The following PEX5L variants were observed in gnomAD, a reference collection of about 807,000 sequenced individuals.
PEX5L encodes the protein PEX5-related protein.
Under a neutral mutation model 84.0 loss-of-function variants are expected in PEX5L, and 30 were observed. The observed-to-expected ratio is 0.36, with a 90% CI of 0.27 to 0.48. The LOEUF (loss-of-function observed/expected upper bound fraction) is 0.48. Ranked by LOEUF, PEX5L falls within the 20% of genes least tolerant of loss-of-function variation. The pLI is 0.99. For synonymous variants in PEX5L, 270 were observed against 283.1 expected, an observed-to-expected ratio of 0.95 and a Z score of 0.46; for missense variants, 533 against 754.6, an observed-to-expected ratio of 0.71 and a Z score of 3.44.
At chr3:179,852,068 A>C (rs1358544348) in intron 8 of PEX5L, among the ~76,000 whole-genome samples, 1 of 152,094 alleles carries the variant, frequency 6.6e-6, no homozygotes, top group African/African-American at 2.4e-5. Flanking sequence ...ATCACCATAC[A>C]CTTAGCAACT....
At chr3:179,931,537 C>A (rs1195096236) in intron 2 of PEX5L, among the ~76,000 whole-genome samples, 3 of 152,144 alleles carry the variant, frequency 2.0e-5, no homozygotes, top group Non-Finnish European at 4.4e-5. Context: ...TTCCCAAATA[C>A]TTTTTTTCAA....
chr3:179,911,845 C>T (rs930125655), intron 2 of PEX5L, among the ~76,000 whole-genome samples: 2 of 152,066 alleles, frequency 1.3e-5, no homozygotes, highest in African/African-American at 4.8e-5. Context: ...TCTATCCAAC[C>T]ACAGTTATAT....
Position 179,984,579 on chromosome 3 carries a change from C to G in PEX5L, c.22-12914G>C, listed in dbSNP as rs148064934. 4.1e-3 allele frequency among the ~76,000 whole-genome samples: 617 copies of G among 152,182 alleles called. 3 individuals are homozygous for G. Among genetic ancestry groups the G allele is most frequent in the African/African-American group, 0.014 (591 of 41,542 alleles). ...AGACGCATGGAGACAAATGTTTGAA[C>G]CACTGCTATTCTAGAAATAATGTAA... On this transcript the variant is annotated intron_variant, in intron 1 of 14. Transcript: ENST00000467460.
chr3:179,919,474 C>T (rs1768481331), intron 2 of PEX5L, among the ~76,000 whole-genome samples: 1 of 152,136 alleles, frequency 6.6e-6, no homozygotes, highest in South Asian at 2.1e-4. Context: ...ATCGCTGGGT[C>T]ACGCTTGATG....
In PEX5L at chr3:180,036,749, C is replaced by T. The variant is rs899132342; in HGVS notation, c.-150G>A. The T allele has an allele frequency of 2.6e-5, 20 of 779,532 alleles. No individual in the cohort carries two copies. The Admixed American group carries it at 2.7e-4, about 11-fold the overall frequency. The allele number at this position is 779,532 out of a possible 1,614,324, so 48.3% of individuals were successfully genotyped here. On this transcript the variant is annotated 5_prime_UTR_variant, in exon 1 of 15. Transcript: ENST00000467460. Reference sequence around the variant, plus strand: ...CTGGAGCTCCGGGTACTCGGCCGGCCGGCGGCCACTCGGCAGCGCTGCGGG... The same window carrying T: ...CTGGAGCTCCGGGTACTCGGCCGGCTGGCGGCCACTCGGCAGCGCTGCGGG...
At chr3:179,884,215 T>A (rs1212547651) in intron 4 of PEX5L, among the ~76,000 whole-genome samples, 4 of 152,210 alleles carry the variant, frequency 2.6e-5, no homozygotes, top group African/African-American at 9.6e-5. Context: ...TGTAAATATG[T>A]TACCTTGACA....
At position 179,799,060 on chromosome 3, in the gene PEX5L, C is replaced by G. The variant is rs1310897929; in HGVS notation, c.*2768G>C. The stretch of plus-strand genomic sequence containing the variant: ...TCAGCCTCCTGAGTAGCTGGTATTA[C>G]AGGTGCATACCACTACACCCGGCTA... On this transcript the variant is annotated 3_prime_UTR_variant, in exon 15 of 15. Coordinates refer to ENST00000467460, the MANE Select transcript of PEX5L (RefSeq NM_016559.3). 1.3e-5 allele frequency: 1 copy of G among 77,206 alleles called. No homozygotes were observed. Among genetic ancestry groups the G allele is most frequent in the Non-Finnish European group, 2.8e-5 (1 of 35,998 alleles). The allele number at this position is 77,206 out of a possible 1,614,324, so 4.8% of individuals were successfully genotyped here.
At chr3:179,812,151 T>C (rs79598501) in intron 10 of PEX5L, among the ~76,000 whole-genome samples, 9,218 of 152,198 alleles carry the variant, frequency 0.061, 926 homozygotes, top group African/African-American at 0.21. Context: ...TTTCGTTATA[T>C]TAGGTATCTT....
chr3:179,866,644 T>G (rs970601885), intron 7 of PEX5L, among the ~76,000 whole-genome samples: 1 of 152,156 alleles, frequency 6.6e-6, no homozygotes, highest in Non-Finnish European at 1.5e-5. Flanking sequence ...AGTTGGAATC[T>G]TATACTAGAA....
At chr3:180,014,125 C>T (rs1789726337) in intron 1 of PEX5L, among the ~76,000 whole-genome samples, 1 of 152,182 alleles carries the variant, frequency 6.6e-6, no homozygotes, top group African/African-American at 2.4e-5. Flanking sequence ...TTTATGTTTT[C>T]TGTGTCATGT....
At chr3:179,942,653 A>G (rs2109825675) in intron 2 of PEX5L, among the ~76,000 whole-genome samples, 1 of 152,312 alleles carries the variant, frequency 6.6e-6, no homozygotes. Context: ...ACTGGGACGC[A>G]CACATGGAAG....
At chr3:179,965,497 G>C (rs1783108688) in intron 2 of PEX5L, among the ~76,000 whole-genome samples, 1 of 152,210 alleles carries the variant, frequency 6.6e-6, no homozygotes, top group Non-Finnish European at 1.5e-5. Context: ...GGCAGGGCCA[G>C]ACTAGGAACC....
chr3:179,858,095 G>A (rs1161489082), intron 8 of PEX5L, among the ~76,000 whole-genome samples: 1 of 152,034 alleles, frequency 6.6e-6, no homozygotes, highest in Non-Finnish European at 1.5e-5. Flanking sequence ...TGCGCTTCAG[G>A]TATAGAGGTA....
At position 179,795,989 on chromosome 3, in the gene PEX5L, C is replaced by A. The variant is rs941094023; in HGVS notation, c.*5839G>T. On this transcript the variant is annotated 3_prime_UTR_variant, in exon 15 of 15. Transcript: ENST00000467460. ...TAAAAACTTAAGTTTGCTGTATTTC[C>A]CTTAACTACTGGTAATGTAGTCCAT... The A allele has an allele frequency of 4.0e-5, 6 of 151,876 alleles. No homozygotes were observed. Among genetic ancestry groups the A allele is most frequent in the Non-Finnish European group, 8.8e-5 (6 of 67,976 alleles). 9.4% of individuals were successfully genotyped at this position (151,876 alleles called of 1,614,324 possible). A position where few individuals can be genotyped will look rare whatever the true frequency, so the allele number is the denominator to read the frequency against.
chr3:179,811,941 T>A (rs554378958), intron 10 of PEX5L, 70 bp from the exon 11 acceptor site: 441 of 1,193,744 alleles, frequency 3.7e-4, no homozygotes, highest in Non-Finnish European at 4.8e-4. Context: ...GTTGGTTTGT[T>A]GACCTGTGAT....
At chr3:179,918,222 C>T (rs1320832167) in intron 2 of PEX5L, among the ~76,000 whole-genome samples, 2 of 152,072 alleles carry the variant, frequency 1.3e-5, no homozygotes, top group Non-Finnish European at 2.9e-5. Flanking sequence ...CAGCCATGAC[C>T]CTCTACTATC....
chr3:179,961,647 A>C (rs1292290268), intron 2 of PEX5L, among the ~76,000 whole-genome samples: 2 of 152,182 alleles, frequency 1.3e-5, no homozygotes, highest in African/African-American at 4.8e-5. Context: ...AATAAGAAAA[A>C]TATTTTGTAT....
At position 179,801,761 on chromosome 3, in the gene PEX5L, A is replaced by C; in HGVS notation, c.*67T>G. 1 of 1,023,500 alleles carries C rather than the reference A, an allele frequency of 9.8e-7. No individual in the cohort carries two copies. Among genetic ancestry groups the C allele is most frequent in the Non-Finnish European group, 1.5e-6 (1 of 646,782 alleles). The allele number at this position is 1,023,500 out of a possible 1,614,324, so 63.4% of individuals were successfully genotyped here. On this transcript the variant is annotated 3_prime_UTR_variant, in exon 15 of 15. Transcript: ENST00000467460. ...TTTATCCTTTTGAAATTCATAATAA[A>C]ATAGTTTTTGATTTTTCAGTACAAT...
chr3:179,889,976 G>A (rs1475278836), intron 3 of PEX5L, among the ~76,000 whole-genome samples: 2 of 152,292 alleles, frequency 1.3e-5, no homozygotes, highest in Middle Eastern at 3.4e-3. Flanking sequence ...CTAAACATCA[G>A]TGATCCGGTG....
Sources: allele counts gnomAD v4.1 joint callset (sites outside exome capture counted in the v4.1 genomes callset), GRCh38; gene constraint gnomAD v4.1.1; transcripts MANE v1.5; gene names NCBI Gene and HGNC (gene_info 2026-07-23, HGNC 2026-07-21).